The following PRKCI variants were observed in gnomAD, a reference collection of about 807,000 sequenced individuals.
The protein encoded by PRKCI is protein kinase C iota, also known as protein kinase C iota type.
PRKCI carries 43 observed loss-of-function variants against 84.0 expected under a neutral mutation model. That is an observed-to-expected ratio of 0.51 (90% CI 0.40 to 0.66). The LOEUF is 0.66. PRKCI is among the 30% of genes least tolerant of loss of function. The pLI is 0.00. For synonymous variants in PRKCI, 216 were observed against 234.4 expected (o/e 0.92, Z 0.72); for missense variants, 459 against 745.6 (o/e 0.62, Z 4.48).
intron 14 of PRKCI, 29 bp from the exon 15 acceptor site, chr3:170,295,882 A>C: frequency 7.5e-7 from 1 of 1,340,972 alleles, no homozygotes; most frequent in Admixed American, 2.0e-5. Flanking sequence ...TAAAAGTTAA[A>C]TATAATACTA....
chr3:170,233,547 T>C (rs1351815912), intron 1 of PRKCI, among the ~76,000 whole-genome samples: 1 of 152,182 alleles, frequency 6.6e-6, no homozygotes, highest in Non-Finnish European at 1.5e-5. Context: ...TTTTTAGCTT[T>C]GGTACTGTAA....
intron 3 of PRKCI, among the ~76,000 whole-genome samples, chr3:170,262,513 T>G (rs1567528): frequency 3.3e-5 from 5 of 152,062 alleles, no homozygotes; most frequent in African/African-American, 7.2e-5. Context: ...TGGTGTCTCA[T>G]TCTGTCACCT....
intron 1 of PRKCI, among the ~76,000 whole-genome samples, chr3:170,225,894 T>TTTTTA (rs1049879468): frequency 1.8e-4 from 28 of 151,868 alleles, no homozygotes; most frequent in South Asian, 6.2e-4. Flanking sequence ...TTTTTTCTAA[T>TTTTTA]TTTTATTTTA....
chr3:170,239,948 G>C (rs1704993130), intron 2 of PRKCI, among the ~76,000 whole-genome samples: 1 of 152,046 alleles, frequency 6.6e-6, no homozygotes, highest in South Asian at 2.1e-4. Context: ...AGAAGTTTGA[G>C]ACCAGTCTGG....
chr3:170,297,500 G>T (rs1560187264), intron 16 of PRKCI, 107 bp downstream of exon 16: 4 of 906,428 alleles, frequency 4.4e-6, no homozygotes, highest in East Asian at 5.4e-5. Context: ...TGTCACCGAG[G>T]CTGGAGTACA....
At chr3:170,292,055 G>C (rs1479442222) in intron 13 of PRKCI, 114 bp downstream of exon 13, 3 of 769,582 alleles carry the variant, frequency 3.9e-6, no homozygotes, top group African/African-American at 1.8e-5. Context: ...TTAATATAAG[G>C]ATTCTTGATC....
At chr3:170,265,938 A>G (rs1189258713) in intron 4 of PRKCI, among the ~76,000 whole-genome samples, 1 of 152,046 alleles carries the variant, frequency 6.6e-6, no homozygotes. Context: ...TCAATTCTGT[A>G]TTAAGCTATC....
intron 1 of PRKCI, among the ~76,000 whole-genome samples, chr3:170,224,171 G>T (rs1560163334): frequency 1.3e-5 from 2 of 149,814 alleles, no homozygotes; most frequent in Admixed American, 6.8e-5. Flanking sequence ...GCGGTGTTTG[G>T]TTTTTTGTCC....
intron 12 of PRKCI, among the ~76,000 whole-genome samples, chr3:170,289,605 C>T (rs1256594165): frequency 6.6e-6 from 1 of 152,054 alleles, no homozygotes; most frequent in Non-Finnish European, 1.5e-5. Context: ...AAAACCCCAT[C>T]TCTACTAAAA....
intron 17 of PRKCI, among the ~76,000 whole-genome samples, chr3:170,302,222 C>T (rs543783573): frequency 6.6e-6 from 1 of 152,326 alleles, no homozygotes; most frequent in East Asian, 1.9e-4. Flanking sequence ...TAATTACTTG[C>T]ATTTCCCAAG....
intron 1 of PRKCI, among the ~76,000 whole-genome samples, chr3:170,230,531 T>TGTTGG (rs1303590929): frequency 6.6e-6 from 1 of 152,232 alleles, no homozygotes; most frequent in Non-Finnish European, 1.5e-5. Context: ...GGTTTTGCCA[T>TGTTGG]GTTGGCCAGG....
chr3:170,226,092 A>G (rs1732621304), intron 1 of PRKCI, among the ~76,000 whole-genome samples: 1 of 151,892 alleles, frequency 6.6e-6, no homozygotes, highest in Non-Finnish European at 1.5e-5. Flanking sequence ...TTTGTATTTT[A>G]GTAGAGACGG....
intron 2 of PRKCI, among the ~76,000 whole-genome samples, chr3:170,245,049 G>A (rs1733238661): frequency 6.6e-6 from 1 of 152,006 alleles, no homozygotes; most frequent in Non-Finnish European, 1.5e-5. Flanking sequence ...ACTGGGAGGG[G>A]AATGCAAAAC....
chr3:170,228,711 A>G (rs571191510), intron 1 of PRKCI, among the ~76,000 whole-genome samples: 1 of 151,868 alleles, frequency 6.6e-6, no homozygotes, highest in South Asian at 2.1e-4. Flanking sequence ...TTATTAGTTT[A>G]TTTTTATATA....
intron 2 of PRKCI, among the ~76,000 whole-genome samples, chr3:170,244,392 G>A (rs1733214997): frequency 6.6e-6 from 1 of 152,074 alleles, no homozygotes; most frequent in African/African-American, 2.4e-5. Flanking sequence ...CAAAATGTAG[G>A]GGTTCAGAGA....
chr3:170,250,039 G>T (rs578068046), intron 2 of PRKCI, among the ~76,000 whole-genome samples: 267 of 152,212 alleles, frequency 1.8e-3, no homozygotes, highest in African/African-American at 6.1e-3. Context: ...ACTTTGGGAG[G>T]CCTAGGCCGG....
intron 3 of PRKCI, 88 bp from the exon 4 acceptor site, chr3:170,263,291 C>A: frequency 1.8e-6 from 2 of 1,092,624 alleles, no homozygotes; most frequent in South Asian, 1.4e-5. Context: ...AAATCTGGGT[C>A]AGTTTCTTTT....
At chr3:170,247,755 A>C (rs1428498682) in intron 2 of PRKCI, among the ~76,000 whole-genome samples, 1 of 150,832 alleles carries the variant, frequency 6.6e-6, no homozygotes, top group Admixed American at 6.6e-5. Context: ...AAAAAAAAAA[A>C]AAAAAGTTGA....
At chr3:170,285,981 A>G (rs1021697665) in intron 12 of PRKCI, among the ~76,000 whole-genome samples, 5 of 150,872 alleles carry the variant, frequency 3.3e-5, no homozygotes, top group Admixed American at 2.0e-4. Flanking sequence ...CTGGAGTACA[A>G]TGGCACAATC....
Sources: allele counts gnomAD v4.1 joint callset (sites outside exome capture counted in the v4.1 genomes callset), GRCh38; gene constraint gnomAD v4.1.1; transcripts MANE v1.5; gene names NCBI Gene and HGNC (gene_info 2026-07-23, HGNC 2026-07-21).